Variants in PDXDC1 observed in about 807,000 individuals in gnomAD.
PDXDC1 encodes pyridoxal dependent decarboxylase domain containing 1.
PDXDC1 carries 42 observed loss-of-function variants against 100.1 expected under a neutral mutation model. That is an observed-to-expected ratio of 0.42 (90% CI 0.33 to 0.54). PDXDC1 has a LOEUF of 0.54. Ranked by LOEUF, PDXDC1 falls within the 20% of genes least tolerant of loss-of-function variation. The pLI is 0.10. For synonymous variants in PDXDC1, 260 were observed against 371.7 expected (o/e 0.70, Z 3.46); for missense variants, 636 against 979.2 (o/e 0.65, Z 4.68).
downstream of PDXDC1, chr16:15,038,839 G>A (rs541665389): frequency 3.6e-5 from 21 of 581,808 alleles, no homozygotes; most frequent in Admixed American, 5.0e-4. Flanking sequence ...GCCAGCTACT[G>A]AACACGTCCA....
At chr16:14,989,032 G>A (rs1333340118) in intron 1 of PDXDC1, 2 of 1,614,142 alleles carry the variant, frequency 1.2e-6, no homozygotes, top group African/African-American at 2.7e-5. Context: ...GAGGGGCTGA[G>A]CAGCGGGGCT....
At chr16:14,993,389 G>A (rs552481967) in intron 1 of PDXDC1, among the ~76,000 whole-genome samples, 10 of 150,618 alleles carry the variant, frequency 6.6e-5, no homozygotes, top group Admixed American at 1.3e-4. Flanking sequence ...GAGAACACGC[G>A]GTGTTTGGTG....
rs1223932345 is a variant in PDXDC1 at position 15,031,767 on chromosome 16, C to T, written c.1432C>T (p.Leu478Phe). The change falls in exon 17 of 23, where the codon CTC (leucine) becomes TTC (phenylalanine). Residue 478 changes from leucine (L) to phenylalanine (F), a missense_variant. Coordinates refer to ENST00000396410, the MANE Select transcript of PDXDC1 (RefSeq NM_015027.4). ...LGTRGEDVDQ[L>F]VACIESKLPV... The stretch of plus-strand genomic sequence containing the variant: ...AACTCGGGGAGAGGATGTGGATCAG[C>T]TCGTAGCCTGCATAGAAAGCAAACT... 1.2e-6 allele frequency: 2 copies of T among 1,613,466 alleles called. No individual in the cohort carries two copies. Among genetic ancestry groups the T allele is most frequent in the Non-Finnish European group, 1.7e-6 (2 of 1,179,616 alleles).
intron 16 of PDXDC1, chr16:15,135,787 G>A (rs2048320522): frequency 1.3e-6 from 2 of 1,584,562 alleles, no homozygotes; most frequent in Non-Finnish European, 1.7e-6. Context: ...CACCCTCAGT[G>A]ATGGGCACCA....
At chr16:14,988,350 A>G (rs1338473573) in intron 1 of PDXDC1, 1 of 1,614,106 alleles carries the variant, frequency 6.2e-7, no homozygotes, top group African/African-American at 1.3e-5. Context: ...GAAGAGGTGG[A>G]AGAGGGTGAT....
intron 1 of PDXDC1, chr16:14,996,433 T>C (rs1971986940): frequency 3.5e-6 from 1 of 281,970 alleles, no homozygotes; most frequent in Non-Finnish European, 6.9e-6. Flanking sequence ...ATATGTATTA[T>C]ATGTAATATA....
the PDXDC1 span, among the ~76,000 whole-genome samples, chr16:15,148,025 G>A: frequency 6.6e-6 from 1 of 150,970 alleles, no homozygotes; most frequent in Non-Finnish European, 1.5e-5. Flanking sequence ...CCGTTTCCTA[G>A]TCACCCAGGC....
downstream of PDXDC1, among the ~76,000 whole-genome samples, chr16:15,144,332 G>A (rs2048520727): frequency 6.6e-6 from 1 of 152,224 alleles, no homozygotes; most frequent in African/African-American, 2.4e-5. Flanking sequence ...GGCTTCCAGG[G>A]CCGGAAATGA....
At chr16:15,016,859 T>G (rs557737279) in intron 9 of PDXDC1, among the ~76,000 whole-genome samples, 8 of 152,394 alleles carry the variant, frequency 5.2e-5, no homozygotes, top group Admixed American at 5.2e-4. Flanking sequence ...AACTGGAAAA[T>G]AAGATCCATG....
chr16:15,127,796 G>T (rs565342811), intron 16 of PDXDC1: 1 of 1,559,360 alleles, frequency 6.4e-7, no homozygotes, highest in East Asian at 2.4e-5. Flanking sequence ...AAACAGCTAC[G>T]AGGCGGCCGG....
At chr16:15,075,726 G>C (rs1463941428) in intron 16 of PDXDC1, among the ~76,000 whole-genome samples, 2 of 152,190 alleles carry the variant, frequency 1.3e-5, no homozygotes, top group Non-Finnish European at 2.9e-5. Context: ...AAGACCCAAT[G>C]AGACCTATCC....
At chr16:15,032,161 G>A in intron 17 of PDXDC1, 1 of 541,220 alleles carries the variant, frequency 1.8e-6, no homozygotes, top group Non-Finnish European at 3.3e-6. Context: ...AGGAGAAGAT[G>A]CCAACAGGTA....
downstream of PDXDC1, among the ~76,000 whole-genome samples, chr16:15,143,583 C>T (rs868029181): frequency 3.9e-5 from 6 of 152,194 alleles, no homozygotes; most frequent in Middle Eastern, 3.2e-3. Flanking sequence ...CCACAGTTGG[C>T]GCGAGGGTGG....
chr16:15,044,743 G>T, intron 16 of PDXDC1: 1 of 278,456 alleles, frequency 3.6e-6, no homozygotes, highest in Non-Finnish European at 6.8e-6. Flanking sequence ...TAGCACTTTG[G>T]GAGGCTGAGG....
chr16:15,148,493 C>T, the PDXDC1 span, among the ~76,000 whole-genome samples: 1 of 148,414 alleles, frequency 6.7e-6, no homozygotes, highest in Non-Finnish European at 1.5e-5. Flanking sequence ...AAGTGATGTC[C>T]CACCTCAGTC....
At chr16:15,081,172 T>A (rs1281544255) in intron 16 of PDXDC1, among the ~76,000 whole-genome samples, 1 of 152,248 alleles carries the variant, frequency 6.6e-6, no homozygotes, top group Admixed American at 6.5e-5. Flanking sequence ...GATGCTGCTA[T>A]GACCATCCAT....
intron 16 of PDXDC1, among the ~76,000 whole-genome samples, chr16:15,043,503 C>T (rs2043917378): frequency 6.6e-6 from 1 of 152,232 alleles, no homozygotes; most frequent in East Asian, 1.9e-4. Context: ...GATGGCGCCA[C>T]TGCACTACAG....
In PDXDC1 at chr16:14,995,927, G is replaced by A. The variant is rs1344738397; in HGVS notation, c.22-1826G>A. On this transcript the variant is annotated intron_variant, in intron 1 of 22. Transcript: ENST00000396410. ...CTTCTAGATTTTCTAGTGTATTTGC[G>A]TAGAGGTGTTTATAGTATTCTGTGA... Among the ~76,000 whole-genome samples, 12 of 152,408 alleles carry A rather than the reference G, an allele frequency of 7.9e-5. No homozygotes were observed. In the South Asian group the frequency reaches 1.7e-3, roughly 21 times the overall value.
intron 16 of PDXDC1, chr16:15,061,709 C>A (rs1218268080): frequency 3.1e-6 from 5 of 1,589,552 alleles, no homozygotes; most frequent in Non-Finnish European, 4.3e-6. Flanking sequence ...GATGGGGAAT[C>A]CCAAATGTCA....
Sources: gnomAD v4.1 joint callset for allele counts (sites outside exome capture counted in the v4.1 genomes callset) on GRCh38, gnomAD v4.1.1 for gene constraint, MANE v1.5 for transcripts, NCBI Gene and HGNC (gene_info 2026-07-23, HGNC 2026-07-21) for gene names.